Variants in SNX29 observed in about 807,000 individuals in gnomAD.
SNX29 encodes sorting nexin-29.
A neutral mutation model predicts 102.1 loss-of-function variants in SNX29; 78 were observed. The ratio of observed to expected loss-of-function variants is 0.76; its 90% CI spans 0.64 to 0.92. The LOEUF (loss-of-function observed/expected upper bound fraction) is 0.92. SNX29 is among the 40% of genes least tolerant of loss of function. The pLI is 0.00. For missense variants in SNX29, 1,280 were observed against 1,061.7 expected, an observed-to-expected ratio of 1.21 and a Z score of -2.86; for synonymous variants, 580 against 414.5, an observed-to-expected ratio of 1.40 and a Z score of -4.85.
At chr16:12,058,566 T>C (rs1396664017) in intron 8 of SNX29, among the ~76,000 whole-genome samples, 1 of 139,126 alleles carries the variant, frequency 7.2e-6, no homozygotes, top group Non-Finnish European at 1.5e-5. Flanking sequence ...GGATCTCAGC[T>C]CACTGCAACC....
At chr16:12,560,184 C>T (rs963304822) in intron 20 of SNX29, among the ~76,000 whole-genome samples, 4 of 143,378 alleles carry the variant, frequency 2.8e-5, no homozygotes, top group Admixed American at 7.3e-5. Context: ...TTTAATTCAC[C>T]ATTTAACTTG....
intron 1 of SNX29, among the ~76,000 whole-genome samples, chr16:11,995,844 G>A (rs964795008): frequency 2.0e-5 from 3 of 151,396 alleles, no homozygotes; most frequent in Admixed American, 6.6e-5. Context: ...GGTGGATCAC[G>A]AGGTCAGGAG....
intron 19 of SNX29, among the ~76,000 whole-genome samples, chr16:12,503,223 C>A (rs1166340097): frequency 6.6e-6 from 1 of 152,126 alleles, no homozygotes; most frequent in Non-Finnish European, 1.5e-5. Context: ...TCCTCCTTTT[C>A]CTTCCCTGCG....
At chr16:12,238,055 A>T (rs1253220470) in intron 14 of SNX29, among the ~76,000 whole-genome samples, 2 of 152,200 alleles carry the variant, frequency 1.3e-5, no homozygotes, top group Non-Finnish European at 2.9e-5. Context: ...TTGAGGTTGG[A>T]TAAGGGTGAG....
At chr16:12,000,484 C>T (rs1002647382) in intron 2 of SNX29, 15 of 151,958 alleles carry the variant, frequency 9.9e-5, no homozygotes, top group African/African-American at 2.9e-4. Context: ...TGTAATTACA[C>T]TATAGGGAGG....
rs532208492 is a variant in SNX29 at position 12,274,450 on chromosome 16, T to C, written c.1679-3483T>C. On this transcript the variant is annotated intron_variant, in intron 14 of 20. Coordinates refer to ENST00000566228, the MANE Select transcript of SNX29 (RefSeq NM_032167.5). ...CCTCGTGTCTGTTGGCTCTGAATTA[T>C]ATCTTTGATTTCCTCTTCTGTGTGT... is the stretch of plus-strand genomic sequence containing the variant. 1.8e-4 allele frequency among the ~76,000 whole-genome samples: 27 copies of C among 152,348 alleles called. No individual in the cohort carries two copies. In the East Asian group the frequency reaches 5.0e-3, roughly 28 times the overall value.
chr16:12,314,862 T>C (rs188703387), intron 15 of SNX29, among the ~76,000 whole-genome samples: 54 of 152,318 alleles, frequency 3.5e-4, no homozygotes, highest in African/African-American at 1.3e-3. Flanking sequence ...GGCTAAAACA[T>C]GACACACACG....
intron 18 of SNX29, among the ~76,000 whole-genome samples, chr16:12,471,968 A>G (rs1428676569): frequency 6.6e-6 from 1 of 152,258 alleles, no homozygotes; most frequent in Non-Finnish European, 1.5e-5. Context: ...TGCAAAAGAC[A>G]CAAGTGCAAA....
At chr16:12,327,736 A>G (rs1231561661) in intron 15 of SNX29, among the ~76,000 whole-genome samples, 1 of 64,682 alleles carries the variant, frequency 1.5e-5, no homozygotes, top group African/African-American at 3.4e-5. Context: ...GGAGAGAGAC[A>G]GAGAGAGGAA....
rs146922348 is a variant in SNX29 at position 12,083,762 on chromosome 16, C to T, written c.1402+4847C>T. Among the ~76,000 whole-genome samples the T allele has an allele frequency of 2.7e-3, 405 of 152,290 alleles. 1 individual carries two copies. The highest frequency in any genetic ancestry group is 4.0e-3 in the Non-Finnish European group (271 of 68,028). ...AGAGCAGTCACTGGACTCTTGGAAA[C>T]CCCAGAGGAGCTTGGCAAAGAAACT... On this transcript the variant is annotated intron_variant, in intron 11 of 20. Transcript: ENST00000566228.
At position 12,082,618 on chromosome 16, in the gene SNX29, A is replaced by G. The variant is rs916535586; in HGVS notation, c.1402+3703A>G. ...TTGGCATTTTGAGCAAGTTTGGGACATATCCAGAGCTTATACCTTGAATCT... is the reference window on the plus strand; with the variant it reads ...TTGGCATTTTGAGCAAGTTTGGGACGTATCCAGAGCTTATACCTTGAATCT... On this transcript the variant is annotated intron_variant, in intron 11 of 20. Transcript: ENST00000566228. Among the ~76,000 whole-genome samples, 5 of 152,224 alleles carry G rather than the reference A, an allele frequency of 3.3e-5. No individual in the cohort carries two copies. In the East Asian group the frequency reaches 7.7e-4, roughly 23 times the overall value.
chr16:12,089,124 GAAA>G (rs1039294271), intron 11 of SNX29, among the ~76,000 whole-genome samples: 2 of 89,228 alleles, frequency 2.2e-5, no homozygotes, highest in South Asian at 6.6e-4. Context: ...GAGAGAGAGA[GAAA>G]AGAGAGAGAG....
chr16:12,481,149 G>A (rs1261206620), intron 19 of SNX29, among the ~76,000 whole-genome samples: 1 of 152,070 alleles, frequency 6.6e-6, no homozygotes, highest in African/African-American at 2.4e-5. Flanking sequence ...AAATAGACAA[G>A]CTTGAGAATA....
chr16:12,093,123 C>T (rs553527981), intron 11 of SNX29, among the ~76,000 whole-genome samples: 2 of 152,324 alleles, frequency 1.3e-5, no homozygotes, highest in South Asian at 4.1e-4. Context: ...GGTTTTAATT[C>T]TGAGTGGCCA....
chr16:12,361,904 G>C (rs867129183), intron 16 of SNX29, among the ~76,000 whole-genome samples: 2 of 150,950 alleles, frequency 1.3e-5, no homozygotes, highest in African/African-American at 4.9e-5. Context: ...CCAGTCTTGG[G>C]TTTCTCTTTC....
At chr16:12,059,896 T>G (rs1307655047) in intron 8 of SNX29, among the ~76,000 whole-genome samples, 1 of 152,242 alleles carries the variant, frequency 6.6e-6, no homozygotes, top group Non-Finnish European at 1.5e-5. Flanking sequence ...GCCTTGGTTC[T>G]GTTGCTTAGT....
intron 20 of SNX29, among the ~76,000 whole-genome samples, chr16:12,534,323 G>A (rs1373516396): frequency 1.3e-5 from 2 of 152,200 alleles, no homozygotes; most frequent in Admixed American, 6.5e-5. Flanking sequence ...GGGCCTCTGT[G>A]CCCAGCCAAA....
chr16:12,519,146 G>A (rs1489667070), intron 19 of SNX29, among the ~76,000 whole-genome samples: 1 of 152,140 alleles, frequency 6.6e-6, no homozygotes, highest in Non-Finnish European at 1.5e-5. Context: ...CAGAAATCTG[G>A]GTTTTATGCA....
At chr16:12,311,303 A>T (rs2080535146) in intron 15 of SNX29, among the ~76,000 whole-genome samples, 1 of 152,140 alleles carries the variant, frequency 6.6e-6, no homozygotes, top group Non-Finnish European at 1.5e-5. Context: ...GTTCCATTAC[A>T]AAGGGGACAG....
Sources: gnomAD v4.1 joint callset for allele counts (sites outside exome capture counted in the v4.1 genomes callset) on GRCh38, gnomAD v4.1.1 for gene constraint, MANE v1.5 for transcripts, NCBI Gene and HGNC (gene_info 2026-07-23, HGNC 2026-07-21) for gene names.